The following USP40 variants were observed in gnomAD, a reference collection of about 807,000 sequenced individuals.
USP40 encodes the protein ubiquitin carboxyl-terminal hydrolase 40.
Under a neutral mutation model 166.2 loss-of-function variants are expected in USP40, and 143 were observed. The observed-to-expected ratio is 0.86, with a 90% CI of 0.75 to 0.99. The LOEUF (loss-of-function observed/expected upper bound fraction) is 0.99. Ranked by LOEUF, USP40 falls within the 50% of genes least tolerant of loss-of-function variation. The pLI, the probability that USP40 is intolerant of heterozygous loss-of-function variation, is 0.00. For synonymous variants in USP40, 498 were observed against 524.0 expected, an observed-to-expected ratio of 0.95 and a Z score of 0.68; for missense variants, 1,444 against 1,479.7, an observed-to-expected ratio of 0.98 and a Z score of 0.40.
intron 23 of USP40, among the ~76,000 whole-genome samples, chr2:233,498,152 G>C (rs1366596830): frequency 6.6e-6 from 1 of 152,172 alleles, no homozygotes; most frequent in Non-Finnish European, 1.5e-5. Flanking sequence ...ACTTAGGAAT[G>C]GTTAGTAAGA....
At chr2:233,540,959 A>G (rs2069354155) in intron 9 of USP40, among the ~76,000 whole-genome samples, 190 bp from the exon 10 acceptor site, 1 of 152,230 alleles carries the variant, frequency 6.6e-6, no homozygotes, top group Non-Finnish European at 1.5e-5. Flanking sequence ...AGTTGAGAAA[A>G]CTTGGATTTT....
At chr2:233,491,329 G>A in intron 25 of USP40, 68 bp from the exon 26 acceptor site, 1 of 1,132,362 alleles carries the variant, frequency 8.8e-7, no homozygotes, top group Non-Finnish European at 1.3e-6. Flanking sequence ...GAAATACATT[G>A]CCATGTTTTG....
chr2:233,552,603 C>A (rs1178203648), intron 6 of USP40, among the ~76,000 whole-genome samples: 1 of 152,172 alleles, frequency 6.6e-6, no homozygotes, highest in Non-Finnish European at 1.5e-5. Flanking sequence ...CTGTTCCAAA[C>A]TCTGAAGTTT....
At chr2:233,557,402 T>C (rs1401602096) in intron 4 of USP40, among the ~76,000 whole-genome samples, 1 of 152,208 alleles carries the variant, frequency 6.6e-6, no homozygotes, top group Non-Finnish European at 1.5e-5. Context: ...TCAGAGCACA[T>C]GTGAATAGTC....
In USP40 at chr2:233,523,453, C is replaced by T. The variant is rs199657112; in HGVS notation, c.1918G>A (p.Glu640Lys). ...TGAAGAACATTTAAAAGTAGAGGTT[C>T]GCAGTCAATACCAGTTTGAATGTGG... is the stretch of plus-strand genomic sequence containing the variant. ...GVHIQTGIDC[E>K]PLLLNVLHLD... The change falls in exon 16 of 32, where the codon GAA (glutamate) becomes AAA (lysine). Residue 640 changes from glutamate (E) to lysine (K), a missense_variant. By Grantham distance (56) the Glu-to-Lys change is moderately conservative (BLOSUM62 1). Transcript: ENST00000678225. 21 of 1,613,736 alleles carry T rather than the reference C, an allele frequency of 1.3e-5. No homozygotes were observed. The highest frequency in any genetic ancestry group is 8.9e-5 in the East Asian group (4 of 44,884).
chr2:233,551,400 A>G lies in USP40; in HGVS notation c.813T>C (p.Ile271=), dbSNP rs151152774. 7,059 of 1,608,988 alleles carry G rather than the reference A, an allele frequency of 4.4e-3. 147 individuals carry two copies. In the East Asian group the frequency reaches 0.061, roughly 14 times the overall value. ...CCTGTTCACAAAAGGGCTTGAGATT[A>G]ATCCGGAGAGGGAATGTATAACAGC... ...ETSCYTFPLR[I]NLKPFCEQSE... The change falls in exon 7 of 32, where the codon ATT becomes ATC. Residue 271 remains isoleucine, a synonymous_variant. Coordinates refer to ENST00000678225, the MANE Select transcript of USP40 (RefSeq NM_001365479.2).
At position 233,490,689 on chromosome 2, in the gene USP40, G is replaced by A. The variant is rs138961392; in HGVS notation, c.3012+478C>T. On this transcript the variant is annotated intron_variant, in intron 26 of 31. Coordinates refer to ENST00000678225, the MANE Select transcript of USP40 (RefSeq NM_001365479.2). ...GATAAAACCCTCCTTCTCTGTGAAC[G>A]TTAATGCATAAGAAACAACACAATA... Among the ~76,000 whole-genome samples the A allele has an allele frequency of 4.4e-3, 662 of 152,170 alleles. 8 individuals are homozygous for A. The highest frequency in any genetic ancestry group is 0.015 in the African/African-American group (620 of 41,502).
At chr2:233,531,173 A>G (rs1349630706) in intron 11 of USP40, among the ~76,000 whole-genome samples, 1 of 152,190 alleles carries the variant, frequency 6.6e-6, no homozygotes, top group African/African-American at 2.4e-5. Context: ...GGATTAAAAC[A>G]CAAATATGCT....
At chr2:233,564,575 A>AC (rs1001886117) in intron 2 of USP40, among the ~76,000 whole-genome samples, 3 of 151,708 alleles carry the variant, frequency 2.0e-5, no homozygotes, top group Admixed American at 6.6e-5. Flanking sequence ...TCTTACAATA[A>AC]CCCCCCTTTT....
chr2:233,509,945 G>A, intron 21 of USP40, 104 bp downstream of exon 21: 1 of 822,520 alleles, frequency 1.2e-6, no homozygotes, highest in Non-Finnish European at 2.0e-6. Context: ...CACCATATCA[G>A]GCCTAGTTTA....
At chr2:233,477,987 C>G (rs75091761) in intron 31 of USP40, among the ~76,000 whole-genome samples, 4,077 of 152,332 alleles carry the variant, frequency 0.027, 135 homozygotes, top group African/African-American at 0.07. Flanking sequence ...GCCCATGGCA[C>G]CGTGCGGCAG....
rs753537458 is a variant in USP40, at chr2:233,551,378, G to C, written c.835C>G (p.Gln279Glu). 1 of 1,600,062 alleles carries C rather than the reference G, an allele frequency of 6.2e-7. No homozygotes were observed. The highest frequency in any genetic ancestry group is 8.5e-7 in the Non-Finnish European group (1 of 1,176,024). The change falls in exon 7 of 32, where the codon CAG (glutamine) becomes GAG (glutamate). Residue 279 changes from glutamine (Q) to glutamate (E), a missense_variant and splice_region_variant. Physicochemically the swap from Gln to Glu is conservative, Grantham distance 29. Transcript: ENST00000678225. ...TTTAAAAATAAAATAGTTCAAACCTGTTCACAAAAGGGCTTGAGATTAATC... is the reference window on the plus strand; with the variant it reads ...TTTAAAAATAAAATAGTTCAAACCTCTTCACAAAAGGGCTTGAGATTAATC... The part of the protein sequence containing the change: ...LRINLKPFCE[Q>E]SELDDLEYIY...
chr2:233,556,945 G>C lies in USP40; in HGVS notation c.456C>G (p.Thr152=). 6.2e-7 allele frequency: 1 copy of C among 1,613,930 alleles called. No individual in the cohort carries two copies. Among genetic ancestry groups the C allele is most frequent in the Non-Finnish European group, 8.5e-7 (1 of 1,179,852 alleles). Residue 152 remains threonine (T), a synonymous_variant, in exon 5 of 32, where the codon ACC becomes ACG. Coordinates refer to ENST00000678225, the MANE Select transcript of USP40 (RefSeq NM_001365479.2). ...GACGATAGATGAGGTCATGACCGGA[G>C]GTCCCAACTAAAGAAGTTTCCAAAG... is the stretch of plus-strand genomic sequence containing the variant. ...FSALETSLVG[T]SGHDLIYRLY...
rs1559251420 is a variant in USP40 at position 233,523,385 on chromosome 2, T to C, written c.1986A>G (p.Ile662Met). The C allele has an allele frequency of 1.2e-6, 2 of 1,613,884 alleles. No individual in the cohort carries two copies. Among genetic ancestry groups the C allele is most frequent in the African/African-American group, 2.7e-5 (2 of 74,932 alleles). ...SSDGEKCCQV[I>M]ESPHVFPANA... Reference sequence around the variant, plus strand: ...TAGCTGGAAAGACATGTGGAGATTCTATCACCTGACAACACTTTTCTCCAT... The same window carrying C: ...TAGCTGGAAAGACATGTGGAGATTCCATCACCTGACAACACTTTTCTCCAT... Residue 662 changes from isoleucine (I) to methionine (M), a missense_variant, in exon 16 of 32, where the codon ATA becomes ATG. Coordinates refer to ENST00000678225, the MANE Select transcript of USP40 (RefSeq NM_001365479.2).
At chr2:233,563,956 G>A (rs923260113) in intron 2 of USP40, among the ~76,000 whole-genome samples, 1 of 152,126 alleles carries the variant, frequency 6.6e-6, no homozygotes, top group African/African-American at 2.4e-5. Context: ...TTTCTACTTC[G>A]AGTTGTCCTT....
chr2:233,560,765 T>A, intron 3 of USP40: 1 of 417,914 alleles, frequency 2.4e-6, no homozygotes. Flanking sequence ...TCAATTTATT[T>A]CCAGAGTACC....
chr2:233,525,422 C>A, intron 14 of USP40, 56 bp downstream of exon 14: 1 of 1,371,036 alleles, frequency 7.3e-7, no homozygotes, highest in South Asian at 1.3e-5. Context: ...CGCAGGTGAG[C>A]CGGACAAAAA....
chr2:233,542,290 A>T lies in USP40; in HGVS notation c.1040T>A (p.Ile347Asn), dbSNP rs1235084348. The change falls in exon 9 of 32, where the codon ATT becomes AAT. Residue 347 changes from isoleucine (I) to asparagine (N), a missense_variant. By Grantham distance (149) the Ile-to-Asn change is moderately radical. Transcript: ENST00000678225. ...SEEEIDHPLM[I>N]LKAILLEEEN... ...TACCTCTAATAAGATTGCTTTTAGA[A>T]TCATCAGTGGATGATCAATCTCTTC... 1 of 1,553,852 alleles carries T rather than the reference A, an allele frequency of 6.4e-7. No individual in the cohort carries two copies. Among genetic ancestry groups the T allele is most frequent in the Admixed American group, 1.9e-5 (1 of 52,480 alleles).
In USP40 at chr2:233,523,189, C is replaced by A. The variant is rs374744940; in HGVS notation, c.2182G>T (p.Asp728Tyr). Residue 728 changes from aspartate to tyrosine, a missense_variant, in exon 16 of 32, where the codon GAT (aspartate) becomes TAT (tyrosine). Coordinates refer to ENST00000678225, the MANE Select transcript of USP40 (RefSeq NM_001365479.2). ...AGTTACCTGTTATCATCATGAGAAT[C>A]CTGAATTAAAATTGAGCTTCCATTT... ...LRNGSSILIQ[D>Y]SHDDNSLLTK... 4 of 1,610,312 alleles carry A rather than the reference C, an allele frequency of 2.5e-6. No homozygotes were observed. Among genetic ancestry groups the A allele is most frequent in the Non-Finnish European group, 2.5e-6 (3 of 1,177,250 alleles).
Sources: allele counts gnomAD v4.1 joint callset (sites outside exome capture counted in the v4.1 genomes callset), GRCh38; gene constraint gnomAD v4.1.1; transcripts MANE v1.5; gene names NCBI Gene and HGNC (gene_info 2026-07-23, HGNC 2026-07-21).